VOPP1: variants seen among roughly 807,000 people sequenced by gnomAD.
VOPP1 encodes WW domain binding protein VOPP1.
In VOPP1, 8 loss-of-function variants were observed where a neutral mutation model predicts 23.5. That is an observed-to-expected ratio of 0.34 (90% CI 0.20 to 0.61). VOPP1 has a LOEUF of 0.61. Ranked by LOEUF, VOPP1 falls within the 20% of genes least tolerant of loss-of-function variation. The pLI is 0.78. For synonymous variants in VOPP1, 83 were observed against 97.3 expected (o/e 0.85, Z 0.86); for missense variants, 174 against 238.1 (o/e 0.73, Z 1.77).
chr7:55,561,773 A>C, intron 1 of VOPP1: 1 of 496,136 alleles, frequency 2.0e-6, no homozygotes, highest in East Asian at 3.3e-5. Context: ...ACAAACAAGC[A>C]ATTACAGTAT....
chr7:55,503,866 A>G (rs777927903), intron 2 of VOPP1, among the ~76,000 whole-genome samples: 2 of 152,224 alleles, frequency 1.3e-5, no homozygotes, highest in Non-Finnish European at 2.9e-5. Context: ...ATAAACACAC[A>G]TTGTTTAAGC....
chr7:55,550,254 T>G (rs764896901), intron 1 of VOPP1, among the ~76,000 whole-genome samples: 2 of 152,250 alleles, frequency 1.3e-5, no homozygotes, highest in Non-Finnish European at 2.9e-5. Flanking sequence ...GGTGCCGCAG[T>G]CTGGCAGGTG....
intron 4 of VOPP1, among the ~76,000 whole-genome samples, chr7:55,478,021 C>T (rs1295742192): frequency 2.0e-5 from 3 of 152,220 alleles, no homozygotes; most frequent in Non-Finnish European, 4.4e-5. Flanking sequence ...GCTGGCCATG[C>T]TTACCATTCA....
rs938374370 is a variant in VOPP1, at chr7:55,561,426, C to A, written c.54+10845G>T. ...GCTTAAGGTCTAAAGAATTTACAGA[C>A]CAGGCCGGGCACGGTGACTCATACC... On this transcript the variant is annotated intron_variant, in intron 1 of 4. Coordinates refer to ENST00000285279, the MANE Select transcript of VOPP1 (RefSeq NM_030796.5). Among the ~76,000 whole-genome samples the A allele has an allele frequency of 2.0e-5, 3 of 152,052 alleles. No individual in the cohort carries two copies. The South Asian group carries it at 6.2e-4, about 32-fold the overall frequency.
intron 4 of VOPP1, among the ~76,000 whole-genome samples, chr7:55,438,149 C>T (rs1355579232): frequency 6.6e-6 from 1 of 152,088 alleles, no homozygotes; most frequent in East Asian, 1.9e-4. Flanking sequence ...TCTGCCTCGG[C>T]CCCCCAAAGT....
Position 55,472,830 on chromosome 7 carries a change from T to C in VOPP1, c.*25A>G. The C allele has an allele frequency of 9.6e-7, 1 of 1,045,284 alleles. No individual in the cohort carries two copies. 64.8% of individuals were successfully genotyped at this position (1,045,284 alleles called of 1,614,324 possible). On this transcript the variant is annotated 3_prime_UTR_variant, in exon 5 of 5. Transcript: ENST00000285279. ...GGCCAGGGAAAGGCCCTCTCCTGTC[T>C]CTCCTCTTGCACGTGGGCACCCCAC...
chr7:55,497,706 C>G lies in VOPP1; in HGVS notation c.114-16G>C. The G allele has an allele frequency of 6.2e-7, 1 of 1,613,502 alleles. No individual in the cohort carries two copies. Among genetic ancestry groups the G allele is most frequent in the Non-Finnish European group, 8.5e-7 (1 of 1,179,474 alleles). ...GGAGCGGCATCTGTGGAGAGAGGCACAGGCTGGTCAGCACTGAATTGGAAG... is the reference window on the plus strand; with the variant it reads ...GGAGCGGCATCTGTGGAGAGAGGCAGAGGCTGGTCAGCACTGAATTGGAAG... On this transcript the variant is annotated splice_polypyrimidine_tract_variant and intron_variant, in intron 2 of 4. Transcript: ENST00000285279.
intron 4 of VOPP1, among the ~76,000 whole-genome samples, chr7:55,482,460 C>A (rs930121781): frequency 6.7e-6 from 1 of 148,994 alleles, no homozygotes; most frequent in African/African-American, 2.5e-5. Flanking sequence ...GGACTACAGG[C>A]ACCCACCACC....
intron 1 of VOPP1, among the ~76,000 whole-genome samples, chr7:55,554,486 G>A (rs538561044): frequency 6.6e-6 from 1 of 152,230 alleles, no homozygotes; most frequent in Admixed American, 6.5e-5. Flanking sequence ...GACTGTACAC[G>A]AGGAAAATGG....
intron 4 of VOPP1, among the ~76,000 whole-genome samples, chr7:55,489,709 T>C (rs1261530437): frequency 6.6e-6 from 1 of 152,128 alleles, no homozygotes; most frequent in African/African-American, 2.4e-5. Flanking sequence ...GTAGTTGTGA[T>C]GTATTCCGAC....
intron 4 of VOPP1, 75 bp from the exon 5 acceptor site, chr7:55,473,120 GC>G: frequency 2.0e-6 from 3 of 1,536,340 alleles, no homozygotes; most frequent in Non-Finnish European, 2.6e-6. Context: ...AGGCTGCAGG[GC>G]CAGCAGACCA....
At chr7:55,533,447 C>A (rs1043709652) in intron 1 of VOPP1, among the ~76,000 whole-genome samples, 43 of 152,038 alleles carry the variant, frequency 2.8e-4, no homozygotes, top group Middle Eastern at 3.4e-3. Context: ...GAAAAAAAAA[C>A]AAAAACAAAA....
At chr7:55,551,674 C>T (rs1797612203) in intron 1 of VOPP1, among the ~76,000 whole-genome samples, 1 of 152,086 alleles carries the variant, frequency 6.6e-6, no homozygotes, top group African/African-American at 2.4e-5. Context: ...AGGAAGAGGG[C>T]CTCTCTTTCA....
At chr7:55,470,565 T>A (rs2129005823), downstream of VOPP1, 1 of 152,266 alleles carries the variant, frequency 6.6e-6, no homozygotes, top group East Asian at 1.9e-4. Context: ...ATTAGAAACT[T>A]CATCTCCACC....
chr7:55,549,584 G>A (rs1026381811), intron 1 of VOPP1, among the ~76,000 whole-genome samples: 1 of 152,184 alleles, frequency 6.6e-6, no homozygotes, highest in Non-Finnish European at 1.5e-5. Flanking sequence ...GCAGGTGGCC[G>A]GCAGGAGCAG....
chr7:55,468,333 AGAG>A (rs1791687802), downstream of VOPP1, among the ~76,000 whole-genome samples: 1 of 151,162 alleles, frequency 6.6e-6, no homozygotes, highest in Non-Finnish European at 1.5e-5. Flanking sequence ...CCTGAGGAGG[AGAG>A]GAGAACATGA....
At chr7:55,530,451 T>C (rs184976661) in intron 1 of VOPP1, among the ~76,000 whole-genome samples, 161 of 152,274 alleles carry the variant, frequency 1.1e-3, no homozygotes, top group African/African-American at 3.8e-3. Flanking sequence ...TCACTTAACA[T>C]TGTAACAACC....
chr7:55,462,193 T>C (rs763566627), intron 4 of VOPP1, among the ~76,000 whole-genome samples: 2 of 152,246 alleles, frequency 1.3e-5, no homozygotes, highest in Non-Finnish European at 2.9e-5. Flanking sequence ...AGGTTTCTGC[T>C]GAGGAATCTA....
downstream of VOPP1, among the ~76,000 whole-genome samples, chr7:55,468,022 C>G (rs1440872653): frequency 6.6e-6 from 1 of 152,112 alleles, no homozygotes; most frequent in Non-Finnish European, 1.5e-5. Flanking sequence ...GCCTGTAATC[C>G]CAGAACTTTG....
Sources: allele counts gnomAD v4.1 joint callset (sites outside exome capture counted in the v4.1 genomes callset), GRCh38; gene constraint gnomAD v4.1.1; transcripts MANE v1.5; gene names NCBI Gene and HGNC (gene_info 2026-07-23, HGNC 2026-07-21).